The following ADD3 variants were observed in gnomAD, a reference collection of about 807,000 sequenced individuals.
The protein encoded by ADD3 is gamma-adducin.
Under a neutral mutation model 80.2 loss-of-function variants are expected in ADD3, and 25 were observed. That is an observed-to-expected ratio of 0.31 (90% CI 0.23 to 0.44). The LOEUF is 0.44. Ranked by LOEUF, ADD3 falls within the 20% of genes least tolerant of loss-of-function variation. ADD3 has a pLI of 1.00. For synonymous variants in ADD3, 284 were observed against 289.6 expected (o/e 0.98, Z 0.20); for missense variants, 829 against 847.5 (o/e 0.98, Z 0.27).
At chr10:110,114,688 A>C (rs1850474781) in intron 3 of ADD3, among the ~76,000 whole-genome samples, 1 of 152,236 alleles carries the variant, frequency 6.6e-6, no homozygotes, top group Non-Finnish European at 1.5e-5. Flanking sequence ...AAGCAAAGTA[A>C]GGAGAAGAGA....
intron 8 of ADD3, 155 bp downstream of exon 8, chr10:110,119,719 A>T: frequency 1.6e-6 from 1 of 610,694 alleles, no homozygotes; most frequent in South Asian, 2.1e-5. Context: ...CAACTCAGTT[A>T]TCTCTTGAAT....
At position 110,092,664 on chromosome 10, in the gene ADD3, C is replaced by T. The variant is rs527338285; in HGVS notation, c.-29-7961C>T. Among the ~76,000 whole-genome samples, 10 of 152,232 alleles carry T rather than the reference C, an allele frequency of 6.6e-5. No homozygotes were observed. In the South Asian group the frequency reaches 1.2e-3, roughly 19 times the overall value. On this transcript the variant is annotated intron_variant, in intron 1 of 14. Coordinates refer to ENST00000356080, the MANE Select transcript of ADD3 (RefSeq NM_016824.5). ...ATGAAATCATTTGTACTCCAAACCC[C>T]AATGCCGTACAATTTACCTATGTAA... is the stretch of plus-strand genomic sequence containing the variant.
chr10:110,089,130 T>C (rs1847162428), intron 1 of ADD3, among the ~76,000 whole-genome samples: 1 of 152,050 alleles, frequency 6.6e-6, no homozygotes, highest in Non-Finnish European at 1.5e-5. Context: ...GGGTATGCAG[T>C]AAAGTATGAA....
intron 1 of ADD3, among the ~76,000 whole-genome samples, chr10:110,060,923 G>T (rs528258856): frequency 6.6e-6 from 1 of 152,164 alleles, no homozygotes; most frequent in East Asian, 1.9e-4. Flanking sequence ...GTTAGGTTAC[G>T]CACATTCTGT....
intron 1 of ADD3, among the ~76,000 whole-genome samples, chr10:110,074,176 T>C (rs113035092): frequency 2.9e-4 from 44 of 152,044 alleles, no homozygotes; most frequent in Middle Eastern, 3.4e-3. Context: ...GGAAAAGCCC[T>C]TTTTTTTGGT....
chr10:110,088,196 G>A (rs1325563737), intron 1 of ADD3, among the ~76,000 whole-genome samples: 1 of 152,160 alleles, frequency 6.6e-6, no homozygotes, highest in Admixed American at 6.5e-5. Context: ...AGGCCACACT[G>A]TGAGCTTCTG....
chr10:110,035,483 G>A (rs1358919485), intron 1 of ADD3, among the ~76,000 whole-genome samples: 1 of 152,206 alleles, frequency 6.6e-6, no homozygotes, highest in Non-Finnish European at 1.5e-5. Flanking sequence ...CTTCCCATCA[G>A]CAGAAGTGCC....
At chr10:110,043,282 C>T (rs1856571919) in intron 1 of ADD3, among the ~76,000 whole-genome samples, 1 of 152,128 alleles carries the variant, frequency 6.6e-6, no homozygotes, top group Non-Finnish European at 1.5e-5. Flanking sequence ...AAATCTATAA[C>T]TTAAATAAAG....
chr10:110,123,255 A>G (rs1484961841), intron 9 of ADD3, among the ~76,000 whole-genome samples: 1 of 152,116 alleles, frequency 6.6e-6, no homozygotes, highest in African/African-American at 2.4e-5. Flanking sequence ...GTTGGGTGAT[A>G]TGGTAGTTTT....
chr10:110,013,484 C>G (rs1214690334), intron 1 of ADD3, among the ~76,000 whole-genome samples: 2 of 152,244 alleles, frequency 1.3e-5, no homozygotes, highest in Non-Finnish European at 1.5e-5. Flanking sequence ...ATAAACATTT[C>G]CCTCAACCAG....
At chr10:110,009,753 A>AG (rs773676217) in intron 1 of ADD3, among the ~76,000 whole-genome samples, 11 of 152,246 alleles carry the variant, frequency 7.2e-5, no homozygotes, top group Non-Finnish European at 1.3e-4. Context: ...ATAACACTTA[A>AG]GGTGCCCAGA....
chr10:109,996,568 T>C (rs1390398596), intron 1 of ADD3: 20 of 152,332 alleles, frequency 1.3e-4, no homozygotes, highest in Non-Finnish European at 1.5e-4. Context: ...GATGTTCCTC[T>C]TTTTCCCCTG....
upstream of ADD3, among the ~76,000 whole-genome samples, chr10:110,005,190 T>C (rs1446409299): frequency 6.6e-6 from 1 of 152,004 alleles, no homozygotes; most frequent in African/African-American, 2.4e-5. Flanking sequence ...GCCTCCTAAG[T>C]AGCTGGGATT....
In ADD3 at chr10:110,072,448, G is replaced by C. The variant is rs559975205; in HGVS notation, c.-29-28177G>C. On this transcript the variant is annotated intron_variant, in intron 1 of 14. Coordinates refer to ENST00000356080, the MANE Select transcript of ADD3 (RefSeq NM_016824.5). ...CCTGCCCTCAAGTTGCACACTGTACGTGTGAGAGGTATACCCAGGGAACAG... is the reference window on the plus strand; with the variant it reads ...CCTGCCCTCAAGTTGCACACTGTACCTGTGAGAGGTATACCCAGGGAACAG... Among the ~76,000 whole-genome samples the C allele has an allele frequency of 1.2e-4, 18 of 152,318 alleles. No individual in the cohort carries two copies. The East Asian group carries it at 2.5e-3, about 21-fold the overall frequency.
intron 1 of ADD3, among the ~76,000 whole-genome samples, chr10:110,068,161 G>A (rs1391798906): frequency 6.6e-6 from 1 of 151,970 alleles, no homozygotes; most frequent in Non-Finnish European, 1.5e-5. Flanking sequence ...GTCACCCTTG[G>A]CTCCCTATAT....
At chr10:110,127,698 C>T (rs1355910373) in intron 12 of ADD3, among the ~76,000 whole-genome samples, 3 of 152,186 alleles carry the variant, frequency 2.0e-5, no homozygotes, top group Admixed American at 6.5e-5. Flanking sequence ...TGTTCCAGCC[C>T]CCCTTCATTC....
chr10:110,081,666 C>A (rs1014883151), intron 1 of ADD3, among the ~76,000 whole-genome samples: 5 of 152,058 alleles, frequency 3.3e-5, no homozygotes, highest in African/African-American at 1.2e-4. Flanking sequence ...TCTACTAAAA[C>A]GTATCTGATG....
chr10:110,104,138 G>A (rs372877950), intron 2 of ADD3, among the ~76,000 whole-genome samples: 24 of 152,278 alleles, frequency 1.6e-4, no homozygotes, highest in African/African-American at 5.8e-4. Context: ...TGGCAGGAGA[G>A]GGCATAAGAT....
chr10:110,112,825 G>A lies in ADD3; in HGVS notation c.244G>A (p.Gly82Ser). The change falls in exon 3 of 15, where the codon GGC becomes AGC. Residue 82 changes from glycine (G) to serine (S), a missense_variant. Transcript: ENST00000356080. ...CCTTATTCAAGAACAGATGAAGAAA[G>A]GCCACAACCCAACTGGATTACTAGC... ...ECLIQEQMKKGHNPTGLLALQ... is the reference protein window; with the variant it reads ...ECLIQEQMKKSHNPTGLLALQ... 1.2e-6 allele frequency: 2 copies of A among 1,614,036 alleles called. No homozygotes were observed. The highest frequency in any genetic ancestry group is 1.7e-6 in the Non-Finnish European group (2 of 1,179,980).
Sources: allele counts gnomAD v4.1 joint callset (sites outside exome capture counted in the v4.1 genomes callset), GRCh38; gene constraint gnomAD v4.1.1; transcripts MANE v1.5; gene names NCBI Gene and HGNC (gene_info 2026-07-23, HGNC 2026-07-21).